The following ZBTB18 variants were observed in gnomAD, a reference collection of about 807,000 sequenced individuals.
ZBTB18 encodes zinc finger and BTB domain-containing protein 18.
ZBTB18 carries 2 observed loss-of-function variants against 37.7 expected under a neutral mutation model. The observed-to-expected ratio is 0.05, with a 90% confidence interval of 0.02 to 0.17. The LOEUF (loss-of-function observed/expected upper bound fraction) is 0.17, where lower values mean the gene tolerates loss of function less well. Ranked by LOEUF, ZBTB18 falls within the 10% of genes least tolerant of loss-of-function variation. The pLI, the probability that ZBTB18 is intolerant of heterozygous loss-of-function variation, is 1.00. For synonymous variants in ZBTB18, 304 were observed against 276.5 expected, an observed-to-expected ratio of 1.10 and a Z score of -0.99; for missense variants, 408 against 686.3, an observed-to-expected ratio of 0.59 and a Z score of 4.53.
At chr1:244,048,564 C>G (rs1050888231), upstream of ZBTB18, among the ~76,000 whole-genome samples, 2 of 145,504 alleles carry the variant, frequency 1.4e-5, no homozygotes, top group African/African-American at 2.5e-5. Context: ...AACATCTGGC[C>G]GGCGCCGCCG....
rs1698491401 is a variant in ZBTB18, at chr1:244,057,173, TA to T, written c.*1807del. 6.0e-6 allele frequency: 1 copy of T among 167,100 alleles called. No individual in the cohort carries two copies. Among genetic ancestry groups the T allele is most frequent in the African/African-American group, 2.4e-5 (1 of 41,462 alleles). The allele number at this position is 167,100 out of a possible 1,614,324, so 10.4% of individuals were successfully genotyped here. On this transcript the variant is annotated 3_prime_UTR_variant, in exon 2 of 2. Coordinates refer to ENST00000358704, the MANE Select transcript of ZBTB18 (RefSeq NM_205768.3). ...TTACTTGAAGAGTTTCTAGTTTTTTTAAAATACAGTTTATGTTAAAATAATT... is the reference window on the plus strand; with the variant it reads ...TTACTTGAAGAGTTTCTAGTTTTTTTAAATACAGTTTATGTTAAAATAATT...
chr1:244,049,601 T>G (rs1383035531), upstream of ZBTB18, among the ~76,000 whole-genome samples: 1 of 152,162 alleles, frequency 6.6e-6, no homozygotes, highest in Non-Finnish European at 1.5e-5. Flanking sequence ...GTTGTTGCCG[T>G]GACCCGGGTC....
rs768683721 is a variant in ZBTB18 at position 244,054,167 on chromosome 1, C to T, written c.393C>T (p.Thr131=). Residue 131 remains threonine, a synonymous_variant, in exon 2 of 2, where the codon ACC becomes ACT. Transcript: ENST00000358704. The surrounding 1 kb of genome is among the most constrained non-coding windows in gnomAD (Gnocchi z 9.0). ...VCKKKLKEKA[T]TEADSTKKEE... ...AAAAGAAGCTGAAAGAGAAAGCCAC[C>T]ACGGAGGCAGACAGCACCAAAAAGG... 2.5e-6 allele frequency: 4 copies of T among 1,614,084 alleles called. No individual in the cohort carries two copies. The South Asian group carries it at 4.4e-5, about 18-fold the overall frequency.
At chr1:244,049,733 A>G (rs1296562789), upstream of ZBTB18, among the ~76,000 whole-genome samples, 3 of 152,072 alleles carry the variant, frequency 2.0e-5, no homozygotes, top group Admixed American at 1.3e-4. Context: ...GAACTACGTA[A>G]AGATTTGCAT....
chr1:244,052,468 A>G (rs1427894151), intron 1 of ZBTB18, among the ~76,000 whole-genome samples: 4 of 152,228 alleles, frequency 2.6e-5, no homozygotes, highest in Non-Finnish European at 5.9e-5. Flanking sequence ...GAAGAAAGGA[A>G]GTAATTTCTG....
upstream of ZBTB18, chr1:244,049,110 G>C (rs1327323828): frequency 2.7e-5 from 4 of 145,928 alleles, no homozygotes; most frequent in Non-Finnish European, 6.1e-5. Context: ...CGCGGGCGGA[G>C]GGCGGGCCGG....
In ZBTB18 at chr1:244,053,834, A is replaced by G. The variant is rs750375235; in HGVS notation, c.60A>G (p.Leu20=). The change falls in exon 2 of 2, where the codon CTA becomes CTG. Residue 20 remains leucine, a synonymous_variant. Coordinates refer to ENST00000358704, the MANE Select transcript of ZBTB18 (RefSeq NM_205768.3). The surrounding 1 kb of genome is among the most constrained non-coding windows in gnomAD (Gnocchi z 5.2). The stretch of plus-strand genomic sequence containing the variant: ...TTCCAGACCATAGTAGACATTTGCT[A>G]CAGTGTCTGAGCGAGCAGAGACACC... ...MEFPDHSRHL[L]QCLSEQRHQG... 1.4e-5 allele frequency: 23 copies of G among 1,614,126 alleles called. No homozygotes were observed. Among genetic ancestry groups the G allele is most frequent in the Non-Finnish European group, 1.9e-5 (23 of 1,180,008 alleles).
Position 244,056,090 on chromosome 1 carries a change from T to TG in ZBTB18, c.*727dup, listed in dbSNP as rs892844308. 1.6e-4 allele frequency: 26 copies of TG among 167,084 alleles called. No homozygotes were observed. Among genetic ancestry groups the TG allele is most frequent in the South Asian group, 8.3e-4 (4 of 4,830 alleles). The allele number at this position is 167,084 out of a possible 1,614,324, so 10.4% of individuals were successfully genotyped here. On this transcript the variant is annotated 3_prime_UTR_variant, in exon 2 of 2. Coordinates refer to ENST00000358704, the MANE Select transcript of ZBTB18 (RefSeq NM_205768.3). ...GTATACTGTAATTGATTACATGGGC[T>TG]GGGGGGGTGTCAAAGAACTTGACAG...
chr1:244,051,642 A>G (rs1698355997), intron 1 of ZBTB18, 198 bp downstream of exon 1: 1 of 181,876 alleles, frequency 5.5e-6, no homozygotes, highest in Admixed American at 6.5e-5. Flanking sequence ...GAGCGAGTAA[A>G]TAACTTTAAT....
At chr1:244,050,517 C>T (rs556115872), upstream of ZBTB18, among the ~76,000 whole-genome samples, 5 of 149,048 alleles carry the variant, frequency 3.4e-5, no homozygotes, top group Non-Finnish European at 7.4e-5. Context: ...GCAGAAAGAT[C>T]AGATATGCAG....
At chr1:244,049,243 C>T (rs1376680393), upstream of ZBTB18, among the ~76,000 whole-genome samples, 3 of 94,494 alleles carry the variant, frequency 3.2e-5, no homozygotes, top group Non-Finnish European at 6.6e-5. Context: ...CGGGGTCGGG[C>T]GGGGTGCGGG....
At chr1:244,050,642 G>A (rs1181389121), upstream of ZBTB18, among the ~76,000 whole-genome samples, 1 of 152,116 alleles carries the variant, frequency 6.6e-6, no homozygotes, top group African/African-American at 2.4e-5. Flanking sequence ...TGTTGGTACC[G>A]AGAATTGAAA....
Position 244,053,368 on chromosome 1 carries a change from T to G in ZBTB18, c.14-420T>G. 6.6e-6 allele frequency among the ~76,000 whole-genome samples: 1 copy of G among 152,210 alleles called. No individual in the cohort carries two copies. The highest frequency in any genetic ancestry group is 1.9e-4 in the East Asian group (1 of 5,204). ...TTTTCTTGTATGTTCCAGGATATGT[T>G]TGGGACTTTTCTTTGTTTATTATAT... On this transcript the variant is annotated intron_variant, in intron 1 of 1. Transcript: ENST00000358704. The surrounding 1 kb of genome is among the most constrained non-coding windows in gnomAD (Gnocchi z 5.2).
Position 244,055,403 on chromosome 1 carries a change from T to C in ZBTB18, c.*33T>C, listed in dbSNP as rs572415612. 3.8e-4 allele frequency: 239 copies of C among 623,538 alleles called. No individual in the cohort carries two copies. The highest frequency in any genetic ancestry group is 8.9e-4 in the African/African-American group (46 of 51,412). The allele number at this position is 623,538 out of a possible 1,614,324, so 38.6% of individuals were successfully genotyped here. A position where few individuals can be genotyped will look rare whatever the true frequency, so the allele number is the denominator to read the frequency against. ...TATATATAAATAATATATATATATA[T>C]ACATATATATAAATAGATCTCTATA... On this transcript the variant is annotated 3_prime_UTR_variant, in exon 2 of 2. Transcript: ENST00000358704. This position sits in a 1 kb window ranked among gnomAD's most constrained non-coding sequence, Gnocchi z 7.0.
Position 244,057,320 on chromosome 1 carries a change from G to A in ZBTB18, c.*1950G>A, listed in dbSNP as rs1403144315. On this transcript the variant is annotated 3_prime_UTR_variant, in exon 2 of 2. Transcript: ENST00000358704. ...TTTCTTAGTTTCACATTCTTCCTTT[G>A]TTCTAAAACTTAGACTGACATCTAG... 6.0e-6 allele frequency: 1 copy of A among 166,808 alleles called. No homozygotes were observed. Among genetic ancestry groups the A allele is most frequent in the East Asian group, 1.9e-4 (1 of 5,196 alleles). The allele number at this position is 166,808 out of a possible 1,614,324, so 10.3% of individuals were successfully genotyped here.
rs767684182 is a variant in ZBTB18, at chr1:244,054,893, C to T, written c.1119C>T (p.Ser373=). The T allele has an allele frequency of 1.2e-6, 2 of 1,614,166 alleles. No homozygotes were observed. The highest frequency in any genetic ancestry group is 4.5e-5 in the East Asian group (2 of 44,878). Residue 373 remains serine (S), a synonymous_variant, in exon 2 of 2, where the codon AGC becomes AGT. Coordinates refer to ENST00000358704, the MANE Select transcript of ZBTB18 (RefSeq NM_205768.3). This position sits in a 1 kb window ranked among gnomAD's most constrained non-coding sequence, Gnocchi z 9.0. The part of the protein sequence containing the change: ...SLLPYVSNIL[S]PAGQIFMCPL... ...TCCCCTACGTCTCCAACATCCTGAG[C>T]CCCGCGGGCCAGATCTTCATGTGCC...
chr1:244,055,223 G>C lies in ZBTB18; in HGVS notation c.1449G>C (p.Arg483Ser), dbSNP rs774306915. The change falls in exon 2 of 2, where the codon AGG (arginine) becomes AGC (serine). Residue 483 changes from arginine (R) to serine (S), a missense_variant. Arg to Ser is a moderately radical substitution (Grantham distance 110). Transcript: ENST00000358704. This position sits in a 1 kb window ranked among gnomAD's most constrained non-coding sequence, Gnocchi z 7.0. ...KPHACKWCERRFTQSGDLYRH... is the reference protein window; with the variant it reads ...KPHACKWCERSFTQSGDLYRH... ...ACGCCTGCAAGTGGTGCGAGCGCAG[G>C]TTCACGCAGTCCGGGGACCTGTACA... The C allele has an allele frequency of 6.2e-7, 1 of 1,614,104 alleles. No homozygotes were observed. The highest frequency in any genetic ancestry group is 1.7e-5 in the Admixed American group (1 of 60,024).
Position 244,056,915 on chromosome 1 carries a change from T to C in ZBTB18, c.*1545T>C, listed in dbSNP as rs890176700. The C allele has an allele frequency of 6.0e-6, 1 of 167,084 alleles. No homozygotes were observed. Among genetic ancestry groups the C allele is most frequent in the African/African-American group, 2.4e-5 (1 of 41,426 alleles). 10.4% of individuals were successfully genotyped at this position (167,084 alleles called of 1,614,324 possible). ...CTATGGGAGTAGCATGGAAAACGTT[T>C]GCTGTTTTTCCCTTTTTTTTTTAAT... On this transcript the variant is annotated 3_prime_UTR_variant, in exon 2 of 2. Coordinates refer to ENST00000358704, the MANE Select transcript of ZBTB18 (RefSeq NM_205768.3).
chr1:244,049,061 C>CG (rs1201661130), upstream of ZBTB18: 36 of 142,814 alleles, frequency 2.5e-4, no homozygotes, highest in African/African-American at 8.4e-4. Context: ...CCCCGGCGGG[C>CG]GGGGGGCGCC....
Sources: gnomAD v4.1 joint callset for allele counts (sites outside exome capture counted in the v4.1 genomes callset) on GRCh38, gnomAD v4.1.1 for gene constraint, Gnocchi (gnomAD v3.1) non-coding constraint, MANE v1.5 for transcripts, NCBI Gene and HGNC (gene_info 2026-07-23, HGNC 2026-07-21) for gene names.